The following ACTA2 variants were observed in gnomAD, a reference collection of about 807,000 sequenced individuals.
ACTA2 encodes actin, aortic smooth muscle.
Under a neutral mutation model 39.5 loss-of-function variants are expected in ACTA2, and 12 were observed. That is an observed-to-expected ratio of 0.30 (90% CI 0.19 to 0.49). The LOEUF is 0.49. Ranked by LOEUF, ACTA2 falls within the 20% of genes least tolerant of loss-of-function variation. The probability of loss-of-function intolerance (pLI) is 0.99; values close to 1 mark genes in which losing one functional copy is unlikely to be tolerated. For synonymous variants in ACTA2, 158 were observed against 180.6 expected, an observed-to-expected ratio of 0.88 and a Z score of 1.00; for missense variants, 236 against 498.8, an observed-to-expected ratio of 0.47 and a Z score of 5.02.
At chr10:88,937,014 C>T (rs1008310076) in intron 8 of ACTA2, among the ~76,000 whole-genome samples, 2 of 152,182 alleles carry the variant, frequency 1.3e-5, no homozygotes, top group African/African-American at 4.8e-5. Flanking sequence ...ATGAGATCAA[C>T]TCAGTAGTGA....
chr10:88,961,619 T>C (rs1846227650), intron 1 of ACTA2, among the ~76,000 whole-genome samples: 1 of 152,182 alleles, frequency 6.6e-6, no homozygotes, highest in Admixed American at 6.6e-5. Flanking sequence ...ACCCTCAGTG[T>C]AGAGATCCAC....
intron 1 of ACTA2, among the ~76,000 whole-genome samples, chr10:88,959,459 T>G (rs916428545): frequency 6.6e-6 from 1 of 152,194 alleles, no homozygotes; most frequent in Non-Finnish European, 1.5e-5. Context: ...ATTAATAATA[T>G]GCAAAGCTGA....
chr10:88,978,927 AATAT>A (rs1846641569), intron 1 of ACTA2, among the ~76,000 whole-genome samples: 2 of 151,524 alleles, frequency 1.3e-5, no homozygotes, highest in African/African-American at 4.8e-5. Context: ...AATAGGAACT[AATAT>A]TCATCAAGAA....
intron 1 of ACTA2, among the ~76,000 whole-genome samples, chr10:88,986,328 G>A (rs922678789): frequency 2.0e-5 from 3 of 152,154 alleles, no homozygotes; most frequent in African/African-American, 7.2e-5. Flanking sequence ...ACCACCATAT[G>A]CAAAAATGTC....
chr10:88,953,612 A>G (rs1290516005), upstream of ACTA2, among the ~76,000 whole-genome samples: 1 of 152,290 alleles, frequency 6.6e-6, no homozygotes, highest in South Asian at 2.1e-4. Context: ...CAGGAAGTAG[A>G]GAGACCAGGT....
At chr10:88,970,926 A>T (rs1258624108) in intron 1 of ACTA2, among the ~76,000 whole-genome samples, 1 of 152,144 alleles carries the variant, frequency 6.6e-6, no homozygotes. Flanking sequence ...CCCACTTAAT[A>T]TTTATACATC....
intron 1 of ACTA2, chr10:88,973,278 A>G (rs767473384): frequency 6.8e-5 from 109 of 1,612,102 alleles, no homozygotes; most frequent in Non-Finnish European, 8.7e-5. Flanking sequence ...ACTCTTGGGG[A>G]TCTCTAGGTC....
intron 1 of ACTA2, among the ~76,000 whole-genome samples, chr10:88,952,203 G>A (rs77547737): frequency 0.01 from 1,598 of 152,288 alleles, 26 homozygotes; most frequent in African/African-American, 0.036. Flanking sequence ...ACCAGTTAGA[G>A]CCAGGGAAAC....
chr10:88,991,120 T>G, exon 1 of ACTA2: 1 of 636,752 alleles, frequency 1.6e-6, no homozygotes. Context: ...CTGGAGGACT[T>G]GCTTTTCTTG....
chr10:88,984,101 T>C (rs1353058902), intron 1 of ACTA2, among the ~76,000 whole-genome samples: 4 of 152,236 alleles, frequency 2.6e-5, no homozygotes, highest in Admixed American at 2.0e-4. Flanking sequence ...AGAGCTATTC[T>C]AGTTCTGTTT....
chr10:88,989,242 T>C (rs1847023199), intron 1 of ACTA2, among the ~76,000 whole-genome samples: 1 of 152,208 alleles, frequency 6.6e-6, no homozygotes, highest in African/African-American at 2.4e-5. Flanking sequence ...ACTGATTTTG[T>C]CAATTGTCCT....
At chr10:88,958,701 T>C (rs1181358482) in intron 1 of ACTA2, among the ~76,000 whole-genome samples, 1 of 152,180 alleles carries the variant, frequency 6.6e-6, no homozygotes, top group Non-Finnish European at 1.5e-5. Context: ...TGGCACCAGC[T>C]AGCTCAAGTG....
At position 88,990,522 on chromosome 10, in the gene ACTA2, C is replaced by T; in HGVS notation, c.-24+417G>A. 1.7e-6 allele frequency: 1 copy of T among 603,856 alleles called. No homozygotes were observed. The highest frequency in any genetic ancestry group is 1.8e-5 in the African/African-American group (1 of 55,754). The allele number at this position is 603,856 out of a possible 1,614,324, so 37.4% of individuals were successfully genotyped here. A position where few individuals can be genotyped will look rare whatever the true frequency, so the allele number is the denominator to read the frequency against. ...CCTGACTCCTTCCTCACCCTGACTT[C>T]TCCCCCTCCCTACCCGCGCGCAGGC... On this transcript the variant is annotated intron_variant, in intron 1 of 4. Transcript: ENST00000415557. This position sits in a 1 kb window ranked among gnomAD's most constrained non-coding sequence, Gnocchi z 4.9.
chr10:88,959,507 C>G (rs1285621119), intron 1 of ACTA2, among the ~76,000 whole-genome samples: 1 of 152,174 alleles, frequency 6.6e-6, no homozygotes, highest in African/African-American at 2.4e-5. Flanking sequence ...AAATTACAAT[C>G]CCTGGAGAAG....
chr10:88,940,782 A>T (rs1234357708), intron 6 of ACTA2: 1 of 256,358 alleles, frequency 3.9e-6, no homozygotes, highest in African/African-American at 2.2e-5. Context: ...GATAACAATC[A>T]TGTGATATAG....
upstream of ACTA2, among the ~76,000 whole-genome samples, chr10:88,957,731 C>T (rs1846160302): frequency 6.6e-6 from 1 of 152,172 alleles, no homozygotes; most frequent in South Asian, 2.1e-4. Context: ...CTCCTAAACT[C>T]AGCTTAAGTA....
At chr10:88,965,454 CT>C (rs1373855548) in intron 1 of ACTA2, among the ~76,000 whole-genome samples, 9 of 152,168 alleles carry the variant, frequency 5.9e-5, no homozygotes, top group Non-Finnish European at 1.2e-4. Flanking sequence ...CATTCTCTGG[CT>C]GTAGGCTTTC....
chr10:88,978,983 A>G (rs1252828122), intron 1 of ACTA2, among the ~76,000 whole-genome samples: 4 of 151,796 alleles, frequency 2.6e-5, no homozygotes, highest in African/African-American at 7.3e-5. Context: ...TCTATGAATT[A>G]CCTCCTTTCA....
rs1845715410 is a variant in ACTA2, at chr10:88,935,378, G to A, written c.991-12C>T. On this transcript the variant is annotated splice_polypyrimidine_tract_variant and intron_variant, in intron 8 of 8. Transcript: ENST00000224784. ...GGAGGGGCAATGATCTGTCAGTCAA[G>A]ATGAAAAAGAATGGTCATTAATGTC... The A allele has an allele frequency of 1.2e-6, 2 of 1,613,456 alleles. No homozygotes were observed. Among genetic ancestry groups the A allele is most frequent in the East Asian group, 4.5e-5 (2 of 44,838 alleles).
Sources: allele counts gnomAD v4.1 joint callset (sites outside exome capture counted in the v4.1 genomes callset), GRCh38; gene constraint gnomAD v4.1.1; non-coding constraint Gnocchi (gnomAD v3.1); transcripts MANE v1.5; gene names NCBI Gene and HGNC (gene_info 2026-07-23, HGNC 2026-07-21).